The following TUSC3 variants were observed in gnomAD, a reference collection of about 807,000 sequenced individuals.
The protein encoded by TUSC3 is dolichyl-diphosphooligosaccharide--protein glycosyltransferase subunit TUSC3.
Under a neutral mutation model 44.8 loss-of-function variants are expected in TUSC3, and 45 were observed. That is an observed-to-expected ratio of 1.00 (90% CI 0.79 to 1.29). The LOEUF (loss-of-function observed/expected upper bound fraction) is 1.29. Ranked by LOEUF, TUSC3 falls within the 50% of genes most tolerant of loss-of-function variation. The probability of loss-of-function intolerance (pLI) is 0.00; values close to 1 mark genes in which losing one functional copy is unlikely to be tolerated. For synonymous variants in TUSC3, 212 were observed against 152.9 expected (o/e 1.39, Z -2.85); for missense variants, 519 against 437.9 (o/e 1.19, Z -1.65).
chr8:15,846,407 A>C, the TUSC3 span, among the ~76,000 whole-genome samples: 1 of 152,204 alleles, frequency 6.6e-6, no homozygotes, highest in African/African-American at 2.4e-5. Context: ...TCTACTATAA[A>C]GACACATGCA....
At chr8:15,499,382 CT>C (rs1370037589) in intron 2 of TUSC3, among the ~76,000 whole-genome samples, 31 of 152,170 alleles carry the variant, frequency 2.0e-4, no homozygotes, top group African/African-American at 7.5e-4. Flanking sequence ...AAATCTAGAA[CT>C]TTTGCATTAT....
chr8:15,470,214 G>A (rs1343897680), intron 1 of TUSC3, among the ~76,000 whole-genome samples: 1 of 148,466 alleles, frequency 6.7e-6, no homozygotes, highest in African/African-American at 2.5e-5. Flanking sequence ...GGCAGAGGTT[G>A]CACCACTACA....
intron 2 of TUSC3, among the ~76,000 whole-genome samples, chr8:15,629,330 G>A (rs995977594): frequency 6.6e-6 from 1 of 152,234 alleles, no homozygotes; most frequent in East Asian, 1.9e-4. Context: ...GTGGTCTTGA[G>A]GTCTATTGTT....
At chr8:15,744,823 A>C (rs1036151412) in intron 8 of TUSC3, among the ~76,000 whole-genome samples, 2 of 151,970 alleles carry the variant, frequency 1.3e-5, no homozygotes, top group African/African-American at 2.4e-5. Context: ...TTTATTTTAG[A>C]TTTGGGGGTT....
At chr8:15,696,675 G>A (rs138370805) in intron 6 of TUSC3, among the ~76,000 whole-genome samples, 9 of 152,322 alleles carry the variant, frequency 5.9e-5, no homozygotes, top group East Asian at 3.9e-4. Flanking sequence ...TGTTTGATAC[G>A]TTGTTGGGTT....
At chr8:15,627,923 A>G (rs1805589056) in intron 2 of TUSC3, among the ~76,000 whole-genome samples, 1 of 152,218 alleles carries the variant, frequency 6.6e-6, no homozygotes. Flanking sequence ...AAACGAATCC[A>G]GTGGGCCAGA....
At chr8:15,658,471 C>G (rs1270803399) in intron 3 of TUSC3, among the ~76,000 whole-genome samples, 2 of 152,060 alleles carry the variant, frequency 1.3e-5, no homozygotes, top group African/African-American at 4.8e-5. Context: ...TTGATATCAA[C>G]TGTGATCTAA....
chr8:15,563,254 C>G (rs1044285502), intron 1 of TUSC3, among the ~76,000 whole-genome samples: 3 of 151,998 alleles, frequency 2.0e-5, no homozygotes, highest in African/African-American at 7.3e-5. Context: ...GGTTCAGTCA[C>G]AGATGCAGGA....
At chr8:15,836,178 A>G in the TUSC3 span, among the ~76,000 whole-genome samples, 2 of 151,970 alleles carry the variant, frequency 1.3e-5, no homozygotes, top group Non-Finnish European at 2.9e-5. Flanking sequence ...ATAATCACAA[A>G]GTTTAAAAGT....
At chr8:15,841,564 C>T in the TUSC3 span, among the ~76,000 whole-genome samples, 1 of 151,816 alleles carries the variant, frequency 6.6e-6, no homozygotes, top group African/African-American at 2.4e-5. Flanking sequence ...CCCAGGCTAG[C>T]GTGCAGTGGC....
intron 2 of TUSC3, among the ~76,000 whole-genome samples, chr8:15,490,676 GACAA>G (rs1291112675): frequency 1.3e-5 from 2 of 152,138 alleles, no homozygotes; most frequent in African/African-American, 2.4e-5. Flanking sequence ...ATTTATGTGT[GACAA>G]ACAAATCATT....
At chr8:15,534,570 G>T (rs2129131052) in intron 2 of TUSC3, among the ~76,000 whole-genome samples, 1 of 151,454 alleles carries the variant, frequency 6.6e-6, no homozygotes, top group African/African-American at 2.4e-5. Flanking sequence ...ATGAACCTGG[G>T]AGGCGGAGCT....
At chr8:15,498,603 A>T (rs1384244304) in intron 2 of TUSC3, among the ~76,000 whole-genome samples, 1 of 152,202 alleles carries the variant, frequency 6.6e-6, no homozygotes, top group Non-Finnish European at 1.5e-5. Context: ...GCAGATGTGA[A>T]TTAGGTGGAG....
At chr8:15,458,471 T>C (rs1028086464) in intron 1 of TUSC3, among the ~76,000 whole-genome samples, 1 of 152,090 alleles carries the variant, frequency 6.6e-6, no homozygotes, top group African/African-American at 2.4e-5. Flanking sequence ...ACTCCTGAGC[T>C]CAAGTGATCC....
At chr8:15,519,583 A>G (rs968309412) in intron 2 of TUSC3, among the ~76,000 whole-genome samples, 18 of 152,040 alleles carry the variant, frequency 1.2e-4, no homozygotes, top group African/African-American at 3.9e-4. Context: ...TGAACTGTGC[A>G]CCTGAGGGAT....
intron 1 of TUSC3, among the ~76,000 whole-genome samples, chr8:15,458,559 A>G (rs1447152008): frequency 1.3e-5 from 2 of 152,128 alleles, no homozygotes; most frequent in Admixed American, 6.6e-5. Flanking sequence ...TCATTATTAT[A>G]AAAAACGTGT....
chr8:15,819,260 C>G, the TUSC3 span, among the ~76,000 whole-genome samples: 1 of 152,098 alleles, frequency 6.6e-6, no homozygotes, highest in Non-Finnish European at 1.5e-5. Flanking sequence ...AACCCTGTCT[C>G]CATTGTGCAC....
chr8:15,675,219 C>T (rs1472427346), intron 6 of TUSC3, among the ~76,000 whole-genome samples: 3 of 152,176 alleles, frequency 2.0e-5, no homozygotes, highest in African/African-American at 7.2e-5. Context: ...TGATCGCTGT[C>T]GTGTTAATGA....
chr8:15,453,826 GTC>G (rs1194502824), intron 1 of TUSC3, among the ~76,000 whole-genome samples: 2 of 152,078 alleles, frequency 1.3e-5, no homozygotes, highest in African/African-American at 4.8e-5. Context: ...GTGGTTAACT[GTC>G]TCTCTAAAAT....
Sources: gnomAD v4.1 joint callset for allele counts (sites outside exome capture counted in the v4.1 genomes callset) on GRCh38, gnomAD v4.1.1 for gene constraint, MANE v1.5 for transcripts, NCBI Gene and HGNC (gene_info 2026-07-23, HGNC 2026-07-21) for gene names.